The following ZNF487 variants were observed in gnomAD, a reference collection of about 807,000 sequenced individuals.
The protein encoded by ZNF487 is zinc finger protein 487.
ZNF487 carries 4 observed loss-of-function variants against 3.0 expected under a neutral mutation model. The ratio of observed to expected loss-of-function variants is 1.35; its 90% confidence interval spans 0.66 to 3.08. The LOEUF (loss-of-function observed/expected upper bound fraction) is 3.08, where lower values mean the gene tolerates loss of function less well. Among genes scored for constraint, ZNF487 ranks in the 30% most tolerant of loss-of-function variants. The pLI, the probability that ZNF487 is intolerant of heterozygous loss-of-function variation, is 0.01. For synonymous variants in ZNF487, 55 were observed against 34.6 expected, an observed-to-expected ratio of 1.59 and a Z score of -2.06; for missense variants, 146 against 98.7, an observed-to-expected ratio of 1.48 and a Z score of -2.03.
At chr10:43,503,052 G>T in the ZNF487 span, among the ~76,000 whole-genome samples, 1 of 150,288 alleles carries the variant, frequency 6.7e-6, no homozygotes, top group Non-Finnish European at 1.5e-5. Context: ...AAAAAAAGGT[G>T]GCTGTAAAAC....
chr10:43,472,368 A>G (rs1319604313), intron 1 of ZNF487, among the ~76,000 whole-genome samples: 1 of 151,946 alleles, frequency 6.6e-6, no homozygotes, highest in Non-Finnish European at 1.5e-5. Flanking sequence ...ATTATTTTTG[A>G]ACTGTTTTTT....
chr10:43,482,796 G>A lies in ZNF487; in HGVS notation c.*874G>A, dbSNP rs1487116997. 2.0e-6 allele frequency: 1 copy of A among 503,754 alleles called. No individual in the cohort carries two copies. The highest frequency in any genetic ancestry group is 4.1e-6 in the Non-Finnish European group (1 of 246,610). The allele number at this position is 503,754 out of a possible 1,614,324, so 31.2% of individuals were successfully genotyped here. A position where few individuals can be genotyped will look rare whatever the true frequency, so the allele number is the denominator to read the frequency against. On this transcript the variant is annotated 3_prime_UTR_variant, in exon 4 of 4. Transcript: ENST00000437590. Reference sequence around the variant, plus strand: ...CTTCTCTGTGAAGTCAAAACTTAGAGAACATCAGAGAATTCACACAGGGGA... The same window carrying A: ...CTTCTCTGTGAAGTCAAAACTTAGAAAACATCAGAGAATTCACACAGGGGA...
At chr10:43,450,283 G>T (rs1316640777) in intron 1 of ZNF487, among the ~76,000 whole-genome samples, 1 of 152,064 alleles carries the variant, frequency 6.6e-6, no homozygotes, top group East Asian at 1.9e-4. Flanking sequence ...CCCAACCTCA[G>T]GTGATCCATC....
At chr10:43,521,088 G>A in the ZNF487 span, among the ~76,000 whole-genome samples, 30 of 152,246 alleles carry the variant, frequency 2.0e-4, no homozygotes, top group African/African-American at 6.3e-4. Context: ...AAAAGATATG[G>A]TTGATTATCA....
chr10:43,475,007 G>A (rs916340525), intron 1 of ZNF487, among the ~76,000 whole-genome samples: 3 of 152,054 alleles, frequency 2.0e-5, no homozygotes, highest in African/African-American at 7.2e-5. Context: ...CCCTGTACAA[G>A]GCGCAAACTT....
the ZNF487 span, among the ~76,000 whole-genome samples, chr10:43,520,407 T>C: frequency 1.3e-5 from 2 of 152,196 alleles, no homozygotes; most frequent in Non-Finnish European, 2.9e-5. Context: ...TGGGTGTAAA[T>C]TGGCAAGAAG....
chr10:43,461,067 C>T (rs1243850367), intron 1 of ZNF487, among the ~76,000 whole-genome samples: 2 of 150,532 alleles, frequency 1.3e-5, no homozygotes, highest in South Asian at 2.1e-4. Context: ...AGTGCAATGG[C>T]GTGATCTCGG....
At chr10:43,507,603 A>G in the ZNF487 span, among the ~76,000 whole-genome samples, 13 of 152,214 alleles carry the variant, frequency 8.5e-5, no homozygotes, top group Admixed American at 6.5e-5. Flanking sequence ...TGCTTTCCCC[A>G]TGCAAAACCC....
At chr10:43,498,964 A>T in the ZNF487 span, among the ~76,000 whole-genome samples, 3 of 151,728 alleles carry the variant, frequency 2.0e-5, no homozygotes, top group Admixed American at 2.0e-4. Context: ...AAAAGATTGT[A>T]GGTAAATCTA....
At chr10:43,507,473 C>T in the ZNF487 span, among the ~76,000 whole-genome samples, 1 of 152,206 alleles carries the variant, frequency 6.6e-6, no homozygotes, top group Admixed American at 6.5e-5. Context: ...GTTCAGCGTG[C>T]TCTCCTGGTG....
chr10:43,511,484 G>A, the ZNF487 span, among the ~76,000 whole-genome samples: 104 of 152,238 alleles, frequency 6.8e-4, no homozygotes, highest in Middle Eastern at 3.4e-3. Context: ...TTCTAATGAC[G>A]ACAAACCTCT....
chr10:43,510,696 T>C, the ZNF487 span, among the ~76,000 whole-genome samples: 1 of 152,098 alleles, frequency 6.6e-6, no homozygotes, highest in Admixed American at 6.6e-5. Context: ...TACAGGCACA[T>C]GCCACCATGC....
chr10:43,448,059 G>A (rs1367938432), intron 1 of ZNF487, among the ~76,000 whole-genome samples: 1 of 136,476 alleles, frequency 7.3e-6, no homozygotes, highest in Non-Finnish European at 1.5e-5. Context: ...GTGCGATCTC[G>A]GCTTACTGCA....
intron 1 of ZNF487, among the ~76,000 whole-genome samples, chr10:43,470,070 G>A (rs752378857): frequency 9.2e-5 from 14 of 152,224 alleles, no homozygotes; most frequent in East Asian, 7.7e-4. Context: ...CAACATACTC[G>A]CATGACTCAA....
In ZNF487 at chr10:43,482,878, C is replaced by T. The variant is rs770220655; in HGVS notation, c.*956C>T. On this transcript the variant is annotated 3_prime_UTR_variant, in exon 4 of 4. Coordinates refer to ENST00000437590, the MANE Select transcript of ZNF487 (RefSeq NM_001355444.3). Reference sequence around the variant, plus strand: ...ATGTTCTACCACAAGTCATCCCTCACAGTACATCAGAGAACCCACACAGGA... The same window carrying T: ...ATGTTCTACCACAAGTCATCCCTCATAGTACATCAGAGAACCCACACAGGA... 7 of 529,560 alleles carry T rather than the reference C, an allele frequency of 1.3e-5. No homozygotes were observed. Among genetic ancestry groups the T allele is most frequent in the Non-Finnish European group, 2.3e-5 (6 of 258,372 alleles). The allele number at this position is 529,560 out of a possible 1,614,324, so 32.8% of individuals were successfully genotyped here.
chr10:43,476,129 G>C lies in ZNF487; in HGVS notation c.57G>C (p.Glu19Asp). The C allele has an allele frequency of 1.4e-6, 1 of 717,494 alleles. No homozygotes were observed. 44.4% of individuals were successfully genotyped at this position (717,494 alleles called of 1,614,324 possible). A position where few individuals can be genotyped will look rare whatever the true frequency, so the allele number is the denominator to read the frequency against. Reference sequence around the variant, plus strand: ...CAGGATATTGCATTACCAAACCAGAGGTGGTTTGCAAGTTGGAGCATGGAC... The same window carrying C: ...CAGGATATTGCATTACCAAACCAGACGTGGTTTGCAAGTTGGAGCATGGAC... ...LSVGYCITKPEVVCKLEHGQV... is the reference protein window; with the variant it reads ...LSVGYCITKPDVVCKLEHGQV... Residue 19 changes from glutamate (E) to aspartate (D), a missense_variant, in exon 3 of 4, where the codon GAG (glutamate) becomes GAC (aspartate). Transcript: ENST00000437590.
chr10:43,465,366 G>C (rs1392732349), intron 1 of ZNF487, among the ~76,000 whole-genome samples: 4 of 149,002 alleles, frequency 2.7e-5, no homozygotes, highest in Non-Finnish European at 6.1e-5. Flanking sequence ...TGGCTGCCGG[G>C]CGGAGGGGCT....
intron 1 of ZNF487, among the ~76,000 whole-genome samples, chr10:43,439,323 C>T (rs1248223902): frequency 2.0e-5 from 3 of 152,128 alleles, no homozygotes; most frequent in African/African-American, 7.2e-5. Flanking sequence ...TTACATGTGC[C>T]TAGGAGGTTG....
intron 1 of ZNF487, among the ~76,000 whole-genome samples, chr10:43,463,712 CT>C (rs146195685): frequency 1.2e-4 from 17 of 143,502 alleles, no homozygotes; most frequent in South Asian, 4.4e-4. Context: ...TTCTTTCTTT[CT>C]TTTTTTTTTT....
Sources: gnomAD v4.1 joint callset for allele counts (sites outside exome capture counted in the v4.1 genomes callset) on GRCh38, gnomAD v4.1.1 for gene constraint, MANE v1.5 for transcripts, NCBI Gene and HGNC (gene_info 2026-07-23, HGNC 2026-07-21) for gene names.